SLC6A5: variants seen among roughly 807,000 people sequenced by gnomAD.
The protein encoded by SLC6A5 is solute carrier family 6 member 5.
SLC6A5 carries 58 observed loss-of-function variants against 90.5 expected under a neutral mutation model. The observed-to-expected ratio is 0.64, with a 90% confidence interval of 0.52 to 0.80. SLC6A5 has a LOEUF of 0.80. Among genes scored for constraint, SLC6A5 ranks in the 30% least tolerant of loss-of-function variants. SLC6A5 has a pLI of 0.00. For missense variants in SLC6A5, 1,015 were observed against 1,017.6 expected, an observed-to-expected ratio of 1.00 and a Z score of 0.03; for synonymous variants, 427 against 401.4, an observed-to-expected ratio of 1.06 and a Z score of -0.76.
At chr11:20,650,191 C>G (rs553886139) in intron 14 of SLC6A5, among the ~76,000 whole-genome samples, 1 of 152,294 alleles carries the variant, frequency 6.6e-6, no homozygotes, top group East Asian at 1.9e-4. Flanking sequence ...TACATAGGTA[C>G]ATTATTCTAG....
chr11:20,652,281 C>T lies in SLC6A5; in HGVS notation c.2071-8C>T. 1 of 1,614,076 alleles carries T rather than the reference C, an allele frequency of 6.2e-7. No individual in the cohort carries two copies. The highest frequency in any genetic ancestry group is 8.5e-7 in the Non-Finnish European group (1 of 1,179,920). ...ACCCTAACACGTGTGTCACTTTTCT[C>T]TTTCCAGTTTATCCTTTGCTTCAGC... On this transcript the variant is annotated splice_region_variant and splice_polypyrimidine_tract_variant and intron_variant, in intron 14 of 15. Coordinates refer to ENST00000525748, the MANE Select transcript of SLC6A5 (RefSeq NM_004211.5).
chr11:20,608,037 C>T (rs1221165538), intron 5 of SLC6A5, among the ~76,000 whole-genome samples: 1 of 152,164 alleles, frequency 6.6e-6, no homozygotes, highest in Non-Finnish European at 1.5e-5. Flanking sequence ...GTTAGAAGCC[C>T]CGCCCTAGCC....
chr11:20,646,275 A>G (rs541191540), intron 13 of SLC6A5, among the ~76,000 whole-genome samples: 1 of 152,316 alleles, frequency 6.6e-6, no homozygotes, highest in African/African-American at 2.4e-5. Context: ...GAGTTCCAAC[A>G]AAGTGGGTGA....
intron 5 of SLC6A5, among the ~76,000 whole-genome samples, chr11:20,608,690 G>T (rs566754137): frequency 6.6e-6 from 1 of 152,286 alleles, no homozygotes; most frequent in East Asian, 1.9e-4. Context: ...ATTCTCCTCA[G>T]CTAGGTCTGT....
chr11:20,618,258 C>A (rs1033687911), intron 7 of SLC6A5, among the ~76,000 whole-genome samples: 2 of 152,158 alleles, frequency 1.3e-5, no homozygotes, highest in Non-Finnish European at 2.9e-5. Context: ...CTTTTTGCCT[C>A]TTGGTCTGGC....
chr11:20,608,197 G>A (rs1852620486), intron 5 of SLC6A5, among the ~76,000 whole-genome samples: 1 of 152,212 alleles, frequency 6.6e-6, no homozygotes, highest in Admixed American at 6.5e-5. Flanking sequence ...AGGTGAATAT[G>A]AGAGTGGACC....
chr11:20,611,671 G>A (rs193235315), intron 5 of SLC6A5, among the ~76,000 whole-genome samples: 2 of 151,624 alleles, frequency 1.3e-5, no homozygotes, highest in Admixed American at 6.6e-5. Context: ...CTGCTGCAAC[G>A]CAGGAAACTC....
At chr11:20,604,917 C>T (rs1016913272) in intron 3 of SLC6A5, among the ~76,000 whole-genome samples, 11 of 152,142 alleles carry the variant, frequency 7.2e-5, no homozygotes, top group African/African-American at 2.4e-4. Context: ...GCCTGCCACC[C>T]CCGCCTTCTT....
chr11:20,634,817 A>T (rs952516912), intron 10 of SLC6A5, among the ~76,000 whole-genome samples: 2 of 152,192 alleles, frequency 1.3e-5, no homozygotes, highest in Non-Finnish European at 2.9e-5. Flanking sequence ...GTTATGCTTG[A>T]GTTATAAACA....
Position 20,637,158 on chromosome 11 carries a change from T to C in SLC6A5, c.1738-14T>C. On this transcript the variant is annotated splice_polypyrimidine_tract_variant and intron_variant, in intron 11 of 15. Transcript: ENST00000525748. ...CAATTTGACTCAGATGTTCATTTCC[T>C]GACACGGTTCCAGTTTGCCACCATC... is the stretch of plus-strand genomic sequence containing the variant. 2 of 1,613,904 alleles carry C rather than the reference T, an allele frequency of 1.2e-6. No homozygotes were observed. The highest frequency in any genetic ancestry group is 1.1e-5 in the South Asian group (1 of 91,072).
chr11:20,604,700 T>G (rs558621718), intron 3 of SLC6A5, among the ~76,000 whole-genome samples: 1 of 152,152 alleles, frequency 6.6e-6, no homozygotes. Flanking sequence ...GGGGCCTGGG[T>G]CCTGAGCCAC....
At chr11:20,652,520 T>A in intron 15 of SLC6A5, 64 bp downstream of exon 15, 1 of 1,488,192 alleles carries the variant, frequency 6.7e-7, no homozygotes, top group African/African-American at 1.4e-5. Flanking sequence ...AAGCTCTGCA[T>A]GTTAAAAAAC....
At chr11:20,649,729 TAGTC>T (rs964079263) in intron 14 of SLC6A5, among the ~76,000 whole-genome samples, 109 of 152,344 alleles carry the variant, frequency 7.2e-4, no homozygotes, top group African/African-American at 2.6e-3. Flanking sequence ...ACTGTATACA[TAGTC>T]AGATCACGTT....
Position 20,626,740 on chromosome 11 carries a change from C to T in SLC6A5, c.1293C>T (p.Val431=), listed in dbSNP as rs367746184. The T allele has an allele frequency of 1.2e-5, 20 of 1,613,968 alleles. No individual in the cohort carries two copies. The highest frequency in any genetic ancestry group is 1.6e-5 in the Non-Finnish European group (19 of 1,179,962). The change falls in exon 8 of 16, where the codon GTC becomes GTT. Residue 431 remains valine, a synonymous_variant. Transcript: ENST00000525748. ...VVYFTATFPY[V]VLVILLIRGV... ...ACTTCACGGCCACGTTCCCGTATGT[C>T]GTACTCGTGATCCTCCTCATCCGAG...
At chr11:20,637,384 C>A in intron 12 of SLC6A5, 81 bp downstream of exon 12, 1 of 1,271,376 alleles carries the variant, frequency 7.9e-7, no homozygotes, top group Non-Finnish European at 1.1e-6. Context: ...CAACCCTTAG[C>A]TCTCAGACCT....
At chr11:20,644,176 A>G (rs1195218060) in intron 13 of SLC6A5, among the ~76,000 whole-genome samples, 1 of 152,220 alleles carries the variant, frequency 6.6e-6, no homozygotes, top group African/African-American at 2.4e-5. Flanking sequence ...CACCTCATAT[A>G]CTTATCATTT....
chr11:20,604,579 C>T (rs1852542335), intron 3 of SLC6A5, among the ~76,000 whole-genome samples, 155 bp downstream of exon 3: 1 of 152,132 alleles, frequency 6.6e-6, no homozygotes, highest in Non-Finnish European at 1.5e-5. Flanking sequence ...GAGTGCATAA[C>T]CAGAGGGCGG....
At chr11:20,631,443 G>A (rs1853107954) in intron 10 of SLC6A5, among the ~76,000 whole-genome samples, 2 of 152,108 alleles carry the variant, frequency 1.3e-5, no homozygotes, top group South Asian at 4.1e-4. Flanking sequence ...TTTATTAATG[G>A]CTAACATTTG....
chr11:20,604,161 G>A, intron 2 of SLC6A5, 125 bp from the exon 3 acceptor site: 2 of 1,206,592 alleles, frequency 1.7e-6, no homozygotes, highest in East Asian at 2.4e-5. Flanking sequence ...GCTTGCTGAT[G>A]CATCCTCGGT....
Sources: gnomAD v4.1 joint callset for allele counts (sites outside exome capture counted in the v4.1 genomes callset) on GRCh38, gnomAD v4.1.1 for gene constraint, MANE v1.5 for transcripts, NCBI Gene and HGNC (gene_info 2026-07-23, HGNC 2026-07-21) for gene names.